PCDHGA5: variants seen among roughly 807,000 people sequenced by gnomAD.
PCDHGA5 encodes protocadherin gamma-A5.
PCDHGA5 carries 36 observed loss-of-function variants against 56.7 expected under a neutral mutation model. The ratio of observed to expected loss-of-function variants is 0.64; its 90% CI spans 0.49 to 0.84. The LOEUF (loss-of-function observed/expected upper bound fraction) is 0.84. PCDHGA5 is among the 40% of genes least tolerant of loss of function. The pLI is 0.00. For synonymous variants in PCDHGA5, 563 were observed against 520.2 expected (o/e 1.08, Z -1.12); for missense variants, 1,305 against 1,201.5 (o/e 1.09, Z -1.27).
chr5:141,487,067 G>C lies in PCDHGA5; in HGVS notation c.2422-7740G>C, dbSNP rs765539804. 3 of 1,614,048 alleles carry C rather than the reference G, an allele frequency of 1.9e-6. No individual in the cohort carries two copies. The highest frequency in any genetic ancestry group is 3.3e-5 in the Admixed American group (2 of 60,010). ...ATATGCTGGGGAGGTGCGGACGGCT[G>C]TTCCTATCCCAGCTGACCTCCCACC... On this transcript the variant is annotated intron_variant, in intron 1 of 3. Coordinates refer to ENST00000518069, the MANE Select transcript of PCDHGA5 (RefSeq NM_018918.3). The surrounding 1 kb of genome is among the most constrained non-coding windows in gnomAD (Gnocchi z 5.0).
rs2099623857 is a variant in PCDHGA5, at chr5:141,486,060, A to ACC, written c.2422-8744_2422-8743dup. On this transcript the variant is annotated intron_variant, in intron 1 of 3. Transcript: ENST00000518069. This position sits in a 1 kb window ranked among gnomAD's most constrained non-coding sequence, Gnocchi z 5.0. Reference sequence around the variant, plus strand: ...CGTGTAAGAAACCTCTTTAGCCTGCACCCCACTACTGGAAAGCTTACTCTT... The same window carrying ACC: ...CGTGTAAGAAACCTCTTTAGCCTGCACCCCCCACTACTGGAAAGCTTACTCTT... The ACC allele has an allele frequency of 1.2e-6, 2 of 1,613,980 alleles. No homozygotes were observed. The highest frequency in any genetic ancestry group is 1.7e-6 in the Non-Finnish European group (2 of 1,179,980).
rs776004958 is a variant in PCDHGA5 at position 141,410,344 on chromosome 5, C to T, written c.2421+43593C>T. 6 of 1,614,006 alleles carry T rather than the reference C, an allele frequency of 3.7e-6. No individual in the cohort carries two copies. In the South Asian group the frequency reaches 6.6e-5, roughly 18 times the overall value. On this transcript the variant is annotated intron_variant, in intron 1 of 3. Transcript: ENST00000518069. ...CCGTGATTCTGGCCATTGCCTTGCG[C>T]CTGCGACGCTCTCTCAGCCCTGCTA...
chr5:141,371,025 G>T (rs752262300), intron 1 of PCDHGA5: 9 of 1,613,988 alleles, frequency 5.6e-6, no homozygotes, highest in African/African-American at 1.3e-5. Flanking sequence ...TCACCACCTG[G>T]TCCTCACAGC....
intron 1 of PCDHGA5, chr5:141,427,307 T>C (rs745903769): frequency 4.4e-6 from 2 of 456,906 alleles, no homozygotes; most frequent in South Asian, 1.5e-5. Flanking sequence ...AGAATGACAA[T>C]GCCCCAGACG....
At chr5:141,482,382 T>C (rs935517099) in intron 1 of PCDHGA5, among the ~76,000 whole-genome samples, 1 of 152,146 alleles carries the variant, frequency 6.6e-6, no homozygotes, top group Admixed American at 6.6e-5. Context: ...ATAAAGTCCC[T>C]GTATGGAGCA....
At chr5:141,397,569 G>A (rs996927698) in intron 1 of PCDHGA5, among the ~76,000 whole-genome samples, 2 of 152,162 alleles carry the variant, frequency 1.3e-5, no homozygotes, top group Non-Finnish European at 2.9e-5. Context: ...CTGAGAGCAA[G>A]AACTGTATCA....
intron 1 of PCDHGA5, among the ~76,000 whole-genome samples, chr5:141,401,338 A>G (rs2094142012): frequency 6.6e-6 from 1 of 152,186 alleles, no homozygotes; most frequent in Non-Finnish European, 1.5e-5. Flanking sequence ...GCAAAACTCC[A>G]TCTCAAAAAA....
intron 2 of PCDHGA5, among the ~76,000 whole-genome samples, chr5:141,498,009 C>T (rs1160103624): frequency 6.6e-6 from 1 of 152,146 alleles, no homozygotes; most frequent in African/African-American, 2.4e-5. Context: ...TTACAGTGCA[C>T]TGAAGGAGAC....
chr5:141,404,909 CCT>C (rs1243432357), intron 1 of PCDHGA5: 1 of 1,613,798 alleles, frequency 6.2e-7, no homozygotes, highest in Admixed American at 1.7e-5. Flanking sequence ...TGGCCAGCCC[CCT>C]CTCTCGGCCA....
chr5:141,457,193 A>G (rs2154565853), intron 1 of PCDHGA5, among the ~76,000 whole-genome samples: 1 of 152,356 alleles, frequency 6.6e-6, no homozygotes, highest in African/African-American at 2.4e-5. Flanking sequence ...GAGTGAGGAA[A>G]GCAGTTCCCA....
At chr5:141,417,003 A>T (rs1444236854) in intron 1 of PCDHGA5, 1 of 150,264 alleles carries the variant, frequency 6.7e-6, no homozygotes, top group African/African-American at 2.5e-5. Flanking sequence ...CATCTCAAAT[A>T]ATTCTATTAT....
At chr5:141,438,765 G>A (rs1012158127) in intron 1 of PCDHGA5, among the ~76,000 whole-genome samples, 5 of 149,658 alleles carry the variant, frequency 3.3e-5, no homozygotes, top group Middle Eastern at 3.4e-3. Context: ...GGGTTCAAGC[G>A]ATTCTCCTGC....
rs13178808 is a variant in PCDHGA5 at position 141,491,920 on chromosome 5, G to A, written c.2422-2887G>A. 1.2e-4 allele frequency: 164 copies of A among 1,356,270 alleles called. No individual in the cohort carries two copies. Among genetic ancestry groups the A allele is most frequent in the Non-Finnish European group, 1.5e-4 (155 of 1,015,194 alleles). The allele number at this position is 1,356,270 out of a possible 1,614,324, so 84.0% of individuals were successfully genotyped here. On this transcript the variant is annotated intron_variant, in intron 1 of 3. Transcript: ENST00000518069. This position sits in a 1 kb window ranked among gnomAD's most constrained non-coding sequence, Gnocchi z 6.9. ...ACCGGGGGTGGTGGCGACTGTGGGC[G>A]AGGGGAGGTGGGACCGACCCCCACC...
At chr5:141,437,225 T>C (rs943242286) in intron 1 of PCDHGA5, among the ~76,000 whole-genome samples, 2 of 152,240 alleles carry the variant, frequency 1.3e-5, no homozygotes, top group Admixed American at 1.3e-4. Flanking sequence ...ATTCCAGTCA[T>C]AAAATTATGT....
chr5:141,458,619 G>T (rs1393941674), intron 1 of PCDHGA5, among the ~76,000 whole-genome samples: 1 of 152,080 alleles, frequency 6.6e-6, no homozygotes, highest in South Asian at 2.1e-4. Context: ...AGCCAGGCTG[G>T]AGTGCAGTGG....
intron 1 of PCDHGA5, among the ~76,000 whole-genome samples, chr5:141,444,062 A>G (rs1335403906): frequency 6.7e-6 from 1 of 149,402 alleles, no homozygotes; most frequent in African/African-American, 2.5e-5. Context: ...TTCAATCTAG[A>G]TTCTGATGCT....
At chr5:141,488,198 G>C (rs1007623840) in intron 1 of PCDHGA5, among the ~76,000 whole-genome samples, 1 of 152,166 alleles carries the variant, frequency 6.6e-6, no homozygotes, top group Non-Finnish European at 1.5e-5. Flanking sequence ...CTGGGTCTTA[G>C]GACTCATATC....
intron 1 of PCDHGA5, among the ~76,000 whole-genome samples, chr5:141,448,728 C>T (rs575604763): frequency 6.6e-6 from 1 of 151,986 alleles, no homozygotes; most frequent in Non-Finnish European, 1.5e-5. Context: ...ATCACGAGGT[C>T]AGGAGATCGA....
At position 141,505,417 on chromosome 5, in the gene PCDHGA5, C is replaced by T; in HGVS notation, c.2505C>T (p.Gly835=). The change falls in exon 3 of 4, where the codon GGC becomes GGT. Residue 835 remains glycine, a synonymous_variant. Coordinates refer to ENST00000518069, the MANE Select transcript of PCDHGA5 (RefSeq NM_018918.3). ...TSGSQNGDDT[G]TWPNNQFDTE... is the part of the protein sequence containing the mutation. ...GCTCCCAAAATGGCGATGACACCGG[C>T]ACCTGGCCCAACAACCAGTTTGACA... 1 of 1,614,212 alleles carries T rather than the reference C, an allele frequency of 6.2e-7. No individual in the cohort carries two copies. Among genetic ancestry groups the T allele is most frequent in the Non-Finnish European group, 8.5e-7 (1 of 1,180,024 alleles).
Sources: gnomAD v4.1 joint callset for allele counts (sites outside exome capture counted in the v4.1 genomes callset) on GRCh38, gnomAD v4.1.1 for gene constraint, Gnocchi (gnomAD v3.1) non-coding constraint, MANE v1.5 for transcripts, NCBI Gene and HGNC (gene_info 2026-07-23, HGNC 2026-07-21) for gene names.